Variants in ROBO2 observed in about 807,000 individuals in gnomAD.
ROBO2 encodes the protein roundabout guidance receptor 2.
ROBO2 carries 53 observed loss-of-function variants against 160.8 expected under a neutral mutation model. The observed-to-expected ratio is 0.33, with a 90% confidence interval of 0.26 to 0.41. The LOEUF (loss-of-function observed/expected upper bound fraction) is 0.41, where lower values mean the gene tolerates loss of function less well. ROBO2 is among the 10% of genes least tolerant of loss of function. The pLI, the probability that ROBO2 is intolerant of heterozygous loss-of-function variation, is 1.00. For missense variants in ROBO2, 1,577 were observed against 1,722.4 expected (o/e 0.92, Z 1.49); for synonymous variants, 664 against 611.7 (o/e 1.09, Z -1.26).
intron 2 of ROBO2, among the ~76,000 whole-genome samples, chr3:76,642,501 C>T (rs527301850): frequency 5.9e-5 from 9 of 151,756 alleles, no homozygotes; most frequent in South Asian, 2.1e-4. Flanking sequence ...TACAGGCATG[C>T]GCCACCACGC....
chr3:76,555,978 C>T (rs1560142831), intron 2 of ROBO2, among the ~76,000 whole-genome samples: 1 of 152,022 alleles, frequency 6.6e-6, no homozygotes, highest in Non-Finnish European at 1.5e-5. Flanking sequence ...GTAATCTGAG[C>T]TACTTGGCAG....
At chr3:77,358,139 T>G (rs2069400668) in intron 2 of ROBO2, among the ~76,000 whole-genome samples, 1 of 152,180 alleles carries the variant, frequency 6.6e-6, no homozygotes, top group Non-Finnish European at 1.5e-5. Context: ...CTGTCATAAA[T>G]TGTCAGAATA....
intron 2 of ROBO2, among the ~76,000 whole-genome samples, chr3:76,056,082 C>CA (rs1044922626): frequency 2.0e-5 from 3 of 150,272 alleles, no homozygotes; most frequent in East Asian, 3.9e-4. Context: ...AAATGAAAAA[C>CA]AAAAAAAGAT....
intron 2 of ROBO2, among the ~76,000 whole-genome samples, chr3:76,528,701 G>C (rs189153769): frequency 6.6e-6 from 1 of 152,026 alleles, no homozygotes; most frequent in African/African-American, 2.4e-5. Flanking sequence ...TTTCTCATTA[G>C]CATATAGATG....
chr3:75,962,509 T>A (rs1480495928), intron 2 of ROBO2, among the ~76,000 whole-genome samples: 5 of 151,832 alleles, frequency 3.3e-5, no homozygotes, highest in Non-Finnish European at 7.4e-5. Flanking sequence ...ATAACTGGGC[T>A]GAAGTCAACA....
At chr3:76,250,555 C>G (rs1409281430) in intron 2 of ROBO2, among the ~76,000 whole-genome samples, 1 of 152,010 alleles carries the variant, frequency 6.6e-6, no homozygotes, top group East Asian at 1.9e-4. Context: ...TGGAACCCAT[C>G]TGACATGTGC....
upstream of ROBO2, among the ~76,000 whole-genome samples, chr3:77,035,871 T>C (rs1191570813): frequency 6.6e-6 from 1 of 151,930 alleles, no homozygotes; most frequent in Non-Finnish European, 1.5e-5. Context: ...CACATACGTG[T>C]CATTTAATGT....
rs200386300 is a variant in ROBO2, at chr3:77,598,512, C to CAT, written c.2854+1773_2854+1774dup. The stretch of plus-strand genomic sequence containing the variant: ...GTATATATATATATATACGCACACA[C>CAT]ATATATATATATGTGTATATATATA... On this transcript the variant is annotated intron_variant, in intron 19 of 25. Coordinates refer to ENST00000461745, the Ensembl canonical transcript of ROBO2. Among the ~76,000 whole-genome samples, 177 of 113,028 alleles carry CAT rather than the reference C, an allele frequency of 1.6e-3. No homozygotes were observed. The South Asian group carries it at 0.026, about 17-fold the overall frequency. 74.2% of individuals were successfully genotyped at this position (113,028 alleles called of 152,430 possible).
chr3:77,248,442 C>G (rs902365905), intron 2 of ROBO2, among the ~76,000 whole-genome samples: 1 of 152,160 alleles, frequency 6.6e-6, no homozygotes, highest in African/African-American at 2.4e-5. Context: ...ACTGACCCTC[C>G]GCTGAGCTGC....
intron 1 of ROBO2, among the ~76,000 whole-genome samples, chr3:77,069,721 G>A (rs2067213875): frequency 6.6e-6 from 1 of 152,146 alleles, no homozygotes. Context: ...TTAGAGTGGT[G>A]AGCAGCACGG....
intron 2 of ROBO2, among the ~76,000 whole-genome samples, chr3:76,010,239 A>G (rs973123997): frequency 2.0e-5 from 3 of 152,230 alleles, no homozygotes; most frequent in Non-Finnish European, 4.4e-5. Flanking sequence ...AATTATGATA[A>G]GGACTCCTGG....
At chr3:76,759,372 CA>C (rs1201505217) in intron 2 of ROBO2, among the ~76,000 whole-genome samples, 1 of 151,738 alleles carries the variant, frequency 6.6e-6, no homozygotes, top group Non-Finnish European at 1.5e-5. Flanking sequence ...TATTTTTTGA[CA>C]ACAATTTCAG....
At chr3:77,436,133 G>C (rs1560826633) in intron 2 of ROBO2, among the ~76,000 whole-genome samples, 1 of 150,794 alleles carries the variant, frequency 6.6e-6, no homozygotes, top group Non-Finnish European at 1.5e-5. Flanking sequence ...GTTCTCTAAT[G>C]CATGTTTTAT....
At chr3:77,181,950 A>T (rs1579721098) in intron 2 of ROBO2, among the ~76,000 whole-genome samples, 1 of 152,132 alleles carries the variant, frequency 6.6e-6, no homozygotes, top group East Asian at 1.9e-4. Flanking sequence ...AGTTAGGATA[A>T]CCCTGAGTAC....
At chr3:76,396,963 GA>G (rs942241694) in intron 2 of ROBO2, among the ~76,000 whole-genome samples, 1 of 152,006 alleles carries the variant, frequency 6.6e-6, no homozygotes, top group Non-Finnish European at 1.5e-5. Context: ...CACAGAATTG[GA>G]AAAAACTACT....
At position 77,607,892 on chromosome 3, in the gene ROBO2, C is replaced by A. The variant is rs377172589; in HGVS notation, c.3231C>A (p.Pro1077=). Residue 1077 remains proline (P), a synonymous_variant, in exon 21 of 26, where the codon CCC becomes CCA. Transcript: ENST00000461745. ...GGGCCAATGTCCCTCTACCTCCCCC[C>A]CCAGTCCAGCCCCTTCCTGGCACGG... The A allele has an allele frequency of 6.2e-6, 10 of 1,613,896 alleles. No individual in the cohort carries two copies. In the African/African-American group the frequency reaches 6.7e-5, roughly 11 times the overall value.
intron 2 of ROBO2, among the ~76,000 whole-genome samples, chr3:77,475,906 G>C (rs1010121637): frequency 2.0e-5 from 3 of 152,174 alleles, no homozygotes; most frequent in Non-Finnish European, 4.4e-5. Context: ...AAAATATGCA[G>C]TTCACAGAGC....
At chr3:76,860,585 A>G (rs1031138672) in intron 2 of ROBO2, among the ~76,000 whole-genome samples, 14 of 152,242 alleles carry the variant, frequency 9.2e-5, no homozygotes, top group African/African-American at 2.9e-4. Flanking sequence ...AAATGTAAGG[A>G]CATTTACCAT....
At chr3:76,956,567 A>AG (rs1405066941) in intron 2 of ROBO2, among the ~76,000 whole-genome samples, 3 of 151,578 alleles carry the variant, frequency 2.0e-5, no homozygotes, top group South Asian at 2.1e-4. Context: ...AAAAAAAAAA[A>AG]AAAAGAAAAA....
Sources: gnomAD v4.1 joint callset for allele counts (sites outside exome capture counted in the v4.1 genomes callset) on GRCh38, gnomAD v4.1.1 for gene constraint, MANE v1.5 for transcripts, NCBI Gene and HGNC (gene_info 2026-07-23, HGNC 2026-07-21) for gene names.